The following ARHGEF33 variants were observed in gnomAD, a reference collection of about 807,000 sequenced individuals.
ARHGEF33 encodes Rho guanine nucleotide exchange factor 33.
In ARHGEF33, 72 loss-of-function variants were observed where a neutral mutation model predicts 101.9. The ratio of observed to expected loss-of-function variants is 0.71; its 90% CI spans 0.58 to 0.86. The LOEUF (loss-of-function observed/expected upper bound fraction) is 0.86. ARHGEF33 is among the 40% of genes least tolerant of loss of function. ARHGEF33 has a pLI of 0.00. For synonymous variants in ARHGEF33, 499 were observed against 442.5 expected (o/e 1.13, Z -1.60); for missense variants, 1,169 against 1,111.3 (o/e 1.05, Z -0.74).
intron 16 of ARHGEF33, among the ~76,000 whole-genome samples, chr2:38,963,327 C>G (rs1045830422): frequency 1.3e-5 from 2 of 152,096 alleles, no homozygotes; most frequent in African/African-American, 4.8e-5. Context: ...TTCACCCAGC[C>G]CAGCAGAGCT....
At chr2:38,951,224 TAGAACCACTGAGA>T in intron 11 of ARHGEF33, 103 bp downstream of exon 11, 5 of 1,096,516 alleles carry the variant, frequency 4.6e-6, no homozygotes, top group Non-Finnish European at 6.5e-6. Context: ...ATTTCACAGC[TAGAACCACTGAGA>T]TCTAGTCTAA....
At chr2:38,912,836 A>G (rs889139938) in intron 2 of ARHGEF33, among the ~76,000 whole-genome samples, 2 of 152,144 alleles carry the variant, frequency 1.3e-5, no homozygotes, top group African/African-American at 4.8e-5. Flanking sequence ...CATTTTCCCA[A>G]GCCTCAGTAT....
intron 2 of ARHGEF33, among the ~76,000 whole-genome samples, chr2:38,903,023 G>T (rs1666284065): frequency 1.3e-5 from 2 of 152,116 alleles, no homozygotes; most frequent in African/African-American, 4.8e-5. Flanking sequence ...AAGTTGCCAA[G>T]AGATAGGAAC....
chr2:38,960,417 G>A lies in ARHGEF33; in HGVS notation c.2112G>A (p.Pro704=), dbSNP rs1257651725. The A allele has an allele frequency of 3.3e-6, 5 of 1,514,492 alleles. No homozygotes were observed. Among genetic ancestry groups the A allele is most frequent in the South Asian group, 1.2e-5 (1 of 80,820 alleles). 93.8% of individuals were successfully genotyped at this position (1,514,492 alleles called of 1,614,324 possible). A position where few individuals can be genotyped will look rare whatever the true frequency, so the allele number is the denominator to read the frequency against. ...AAAQAHGKAK[P]LSRSLKEFPR... Reference sequence around the variant, plus strand: ...CGCAGGCGCACGGCAAGGCCAAGCCGCTGAGCCGCTCTCTCAAAGAGTTCC... The same window carrying A: ...CGCAGGCGCACGGCAAGGCCAAGCCACTGAGCCGCTCTCTCAAAGAGTTCC... The change falls in exon 16 of 18, where the codon CCG becomes CCA. Residue 704 remains proline, a synonymous_variant. Coordinates refer to ENST00000409978, the MANE Select transcript of ARHGEF33 (RefSeq NM_001145451.5).
intron 13 of ARHGEF33, among the ~76,000 whole-genome samples, chr2:38,955,625 G>A (rs672208): frequency 0.78 from 118,475 of 151,076 alleles, 49,672 homozygotes; most frequent in Non-Finnish European, 0.92. Flanking sequence ...TCGGCCTCCT[G>A]AGTAGTTGAG....
intron 3 of ARHGEF33, among the ~76,000 whole-genome samples, chr2:38,921,172 T>G (rs1447828711): frequency 6.6e-6 from 1 of 152,174 alleles, no homozygotes; most frequent in Non-Finnish European, 1.5e-5. Flanking sequence ...GTATATCAGG[T>G]AGATAATGGT....
intron 10 of ARHGEF33, among the ~76,000 whole-genome samples, chr2:38,948,962 C>T (rs886712088): frequency 6.6e-6 from 1 of 152,160 alleles, no homozygotes; most frequent in Non-Finnish European, 1.5e-5. Flanking sequence ...GCGCTCAGGT[C>T]AGGAGGCCTC....
intron 13 of ARHGEF33, among the ~76,000 whole-genome samples, chr2:38,956,171 G>C (rs890493326): frequency 3.3e-5 from 5 of 152,102 alleles, no homozygotes; most frequent in Non-Finnish European, 7.4e-5. Context: ...CTGAAACCCA[G>C]GTTTTGCAAA....
Position 38,944,048 on chromosome 2 carries a change from G to T in ARHGEF33, c.920+18G>T. 6.5e-7 allele frequency: 1 copy of T among 1,532,992 alleles called. No individual in the cohort carries two copies. The highest frequency in any genetic ancestry group is 8.8e-7 in the Non-Finnish European group (1 of 1,138,378). The allele number at this position is 1,532,992 out of a possible 1,614,324, so 95.0% of individuals were successfully genotyped here. A position where few individuals can be genotyped will look rare whatever the true frequency, so the allele number is the denominator to read the frequency against. On this transcript the variant is annotated intron_variant, in intron 10 of 17. Transcript: ENST00000409978. ...GAGAGAAGGTATCCATGCACTCATT[G>T]CCTTTGCTTTTCAGATTGATTAGGA...
At chr2:38,937,809 G>T (rs1360988820) in intron 9 of ARHGEF33, among the ~76,000 whole-genome samples, 2 of 152,110 alleles carry the variant, frequency 1.3e-5, no homozygotes, top group Middle Eastern at 3.2e-3. Flanking sequence ...TGGGCGGGAG[G>T]GGGAAGGCAT....
chr2:38,925,204 T>C (rs548459378), intron 4 of ARHGEF33, among the ~76,000 whole-genome samples: 1 of 152,344 alleles, frequency 6.6e-6, no homozygotes, highest in African/African-American at 2.4e-5. Flanking sequence ...TAATGAAATT[T>C]GGAATGATTC....
intron 2 of ARHGEF33, among the ~76,000 whole-genome samples, chr2:38,900,723 A>G (rs544352912): frequency 1.3e-5 from 2 of 152,266 alleles, no homozygotes; most frequent in South Asian, 4.1e-4. Context: ...GACGAGGTGG[A>G]GTTAGTGAGA....
intron 2 of ARHGEF33, among the ~76,000 whole-genome samples, chr2:38,910,246 C>T (rs1666479705): frequency 1.3e-5 from 2 of 152,050 alleles, no homozygotes; most frequent in East Asian, 1.9e-4. Context: ...GTATGTTTTC[C>T]TAGAAAATTA....
chr2:38,972,618 T>A (rs1378492163), intron 17 of ARHGEF33, among the ~76,000 whole-genome samples: 1 of 152,234 alleles, frequency 6.6e-6, no homozygotes, highest in African/African-American at 2.4e-5. Context: ...GGATCCAACT[T>A]CTTTCTTTGA....
intron 2 of ARHGEF33, among the ~76,000 whole-genome samples, chr2:38,901,166 A>G (rs1028878768): frequency 6.6e-6 from 1 of 152,144 alleles, no homozygotes; most frequent in Admixed American, 6.5e-5. Flanking sequence ...TTATTTACTT[A>G]TCTTACTTTT....
chr2:38,893,157 C>CTTTTTTTTT (rs11302987), intron 1 of ARHGEF33, among the ~76,000 whole-genome samples: 2 of 122,302 alleles, frequency 1.6e-5, no homozygotes, highest in Non-Finnish European at 3.7e-5. Context: ...TCTGGTAATC[C>CTTTTTTTTT]TTTTTTTTTT....
At chr2:38,931,439 A>AT (rs749474769) in intron 7 of ARHGEF33, 188 bp downstream of exon 7, 5,966 of 442,906 alleles carry the variant, frequency 0.013, 18 homozygotes, top group East Asian at 0.061. Flanking sequence ...AGTTTTAAAT[A>AT]TTTTTTTTTT....
intron 1 of ARHGEF33, among the ~76,000 whole-genome samples, chr2:38,894,187 G>A (rs1666069637): frequency 6.6e-6 from 1 of 151,984 alleles, no homozygotes; most frequent in Admixed American, 6.6e-5. Context: ...AAAAAAATTA[G>A]CCAGGCATGG....
chr2:38,922,570 G>C (rs545308574), intron 4 of ARHGEF33, among the ~76,000 whole-genome samples: 1 of 152,258 alleles, frequency 6.6e-6, no homozygotes, highest in South Asian at 2.1e-4. Context: ...AGGATGAAAG[G>C]GGGAAAGGGC....
Sources: allele counts gnomAD v4.1 joint callset (sites outside exome capture counted in the v4.1 genomes callset), GRCh38; gene constraint gnomAD v4.1.1; transcripts MANE v1.5; gene names NCBI Gene and HGNC (gene_info 2026-07-23, HGNC 2026-07-21).